CCDC33: variants seen among roughly 807,000 people sequenced by gnomAD.
CCDC33 encodes coiled-coil domain containing 33.
Under a neutral mutation model 91.9 loss-of-function variants are expected in CCDC33, and 94 were observed. That is an observed-to-expected ratio of 1.02 (90% CI 0.87 to 1.21). The LOEUF is 1.21. CCDC33 is among the 50% of genes most tolerant of loss of function. CCDC33 has a pLI of 0.00. For synonymous variants in CCDC33, 396 were observed against 374.5 expected, an observed-to-expected ratio of 1.06 and a Z score of -0.66; for missense variants, 940 against 935.5, an observed-to-expected ratio of 1.00 and a Z score of -0.06.
intron 15 of CCDC33, 45 bp downstream of exon 15, chr15:74,331,341 A>G (rs1596141275): frequency 6.3e-7 from 1 of 1,588,920 alleles, no homozygotes; most frequent in Non-Finnish European, 8.6e-7. Flanking sequence ...CTTCTGCTCC[A>G]CCCCTGGAGG....
At chr15:74,266,843 TC>T in intron 4 of CCDC33, 56 bp downstream of exon 4, 1 of 1,298,940 alleles carries the variant, frequency 7.7e-7, no homozygotes, top group Non-Finnish European at 1.1e-6. Flanking sequence ...ACCTTGAATG[TC>T]CCCAGCTATT....
chr15:74,234,528 G>A (rs890634212), upstream of CCDC33, among the ~76,000 whole-genome samples: 1 of 152,202 alleles, frequency 6.6e-6, no homozygotes, highest in African/African-American at 2.4e-5. Flanking sequence ...AGGAGCTGGT[G>A]TCTCAGGGGT....
intron 5 of CCDC33, among the ~76,000 whole-genome samples, chr15:74,271,375 G>A (rs909625873): frequency 6.6e-6 from 1 of 152,064 alleles, no homozygotes; most frequent in Non-Finnish European, 1.5e-5. Flanking sequence ...GAGGGGCCGA[G>A]GTTAGAACAC....
chr15:74,207,717 G>A (rs1046077824), intron 1 of CCDC33: 11 of 1,535,646 alleles, frequency 7.2e-6, no homozygotes, highest in African/African-American at 1.4e-5. Context: ...CAGTCCCCTT[G>A]AGAGTCCATG....
intron 11 of CCDC33, among the ~76,000 whole-genome samples, chr15:74,324,001 G>A (rs1280992206): frequency 6.6e-6 from 1 of 150,772 alleles, no homozygotes; most frequent in Admixed American, 6.6e-5. Context: ...GCTGAGGCAG[G>A]AGAATTGCCT....
At chr15:74,279,385 C>T (rs1366892349) in intron 7 of CCDC33, among the ~76,000 whole-genome samples, 3 of 152,034 alleles carry the variant, frequency 2.0e-5, no homozygotes, top group Non-Finnish European at 4.4e-5. Flanking sequence ...ACAAAATATA[C>T]ACAGAAAAAA....
At chr15:74,323,067 A>G (rs922411966) in intron 11 of CCDC33, among the ~76,000 whole-genome samples, 1 of 151,608 alleles carries the variant, frequency 6.6e-6, no homozygotes, top group African/African-American at 2.4e-5. Context: ...CTTACCTTCT[A>G]AGTCTCCAGG....
rs192434834 is a variant in CCDC33, at chr15:74,320,465, C to A, written c.1291-9724C>A. Among the ~76,000 whole-genome samples, 14 of 152,160 alleles carry A rather than the reference C, an allele frequency of 9.2e-5. 1 individual carries two copies. The East Asian group carries it at 2.7e-3, about 29-fold the overall frequency. ...TGAGCCATGTCCCACACAAGGCCTG[C>A]CTCCCACCGGGAACTCTCTGAGTGC... On this transcript the variant is annotated intron_variant, in intron 11 of 18. Transcript: ENST00000398814.
In CCDC33 at chr15:74,268,464, A is replaced by C. The variant is rs1483306584; in HGVS notation, c.546+6A>C. On this transcript the variant is annotated splice_donor_region_variant and intron_variant, in intron 5 of 18. Coordinates refer to ENST00000398814, the MANE Select transcript of CCDC33 (RefSeq NM_025055.5). ...GCAACCACATGGCTCTGGAGGTACC[A>C]GGGCTGGGGCCCTCTGGGGTGGTGG... 5.6e-6 allele frequency: 7 copies of C among 1,259,768 alleles called. No individual in the cohort carries two copies. Among genetic ancestry groups the C allele is most frequent in the Non-Finnish European group, 5.4e-6 (5 of 917,560 alleles). The allele number at this position is 1,259,768 out of a possible 1,614,324, so 78.0% of individuals were successfully genotyped here.
At chr15:74,268,541 C>T (rs1320647936) in intron 5 of CCDC33, 83 bp downstream of exon 5, 11 of 1,047,390 alleles carry the variant, frequency 1.1e-5, no homozygotes, top group East Asian at 2.4e-5. Context: ...TTGCCCTTAG[C>T]CCCCTCTGGC....
chr15:74,260,691 G>A (rs937482436), intron 2 of CCDC33, among the ~76,000 whole-genome samples: 3 of 152,138 alleles, frequency 2.0e-5, no homozygotes, highest in African/African-American at 7.2e-5. Flanking sequence ...TCCCAAGCCT[G>A]TGCTCTTTCC....
intron 5 of CCDC33, among the ~76,000 whole-genome samples, chr15:74,269,976 G>A (rs931340489): frequency 1.2e-4 from 19 of 152,150 alleles, no homozygotes; most frequent in African/African-American, 2.9e-4. Flanking sequence ...ACACCTGCTG[G>A]GGAGCCTGTG....
At chr15:74,298,019 G>C (rs2059721783) in intron 11 of CCDC33, among the ~76,000 whole-genome samples, 1 of 152,220 alleles carries the variant, frequency 6.6e-6, no homozygotes, top group Non-Finnish European at 1.5e-5. Context: ...CACTGACATA[G>C]CACAACCAAG....
intron 18 of CCDC33, 26 bp from the exon 19 acceptor site, chr15:74,335,899 C>G: frequency 6.4e-7 from 1 of 1,562,994 alleles, no homozygotes; most frequent in Non-Finnish European, 8.8e-7. Context: ...GGGGGGTACT[C>G]ACGCACCCCG....
chr15:74,269,592 C>A (rs1784181002), intron 5 of CCDC33, among the ~76,000 whole-genome samples: 1 of 152,198 alleles, frequency 6.6e-6, no homozygotes, highest in Non-Finnish European at 1.5e-5. Flanking sequence ...GCCTTGCTGT[C>A]CCCAGGCCGC....
At chr15:74,308,974 A>G (rs1235434222) in intron 11 of CCDC33, among the ~76,000 whole-genome samples, 3 of 151,892 alleles carry the variant, frequency 2.0e-5, no homozygotes, top group Non-Finnish European at 4.4e-5. Flanking sequence ...CTTCTCCTGT[A>G]TGTGGGTGGG....
chr15:74,285,223 G>A (rs1347320494), intron 10 of CCDC33, among the ~76,000 whole-genome samples: 4 of 152,076 alleles, frequency 2.6e-5, no homozygotes, highest in Non-Finnish European at 4.4e-5. Flanking sequence ...ATGTCCAGGA[G>A]TTTTGGGCAC....
At chr15:74,208,957 G>C in intron 1 of CCDC33, 1 of 1,002,328 alleles carries the variant, frequency 1.0e-6, no homozygotes, top group Non-Finnish European at 1.2e-6. Flanking sequence ...TCCTAGAGGG[G>C]TGGCTGGTTG....
At chr15:74,264,376 A>G (rs1323240991) in intron 3 of CCDC33, among the ~76,000 whole-genome samples, 1 of 152,184 alleles carries the variant, frequency 6.6e-6, no homozygotes, top group Non-Finnish European at 1.5e-5. Context: ...GGAAGGGCAC[A>G]ATGCCCAGAG....
Sources: gnomAD v4.1 joint callset for allele counts (sites outside exome capture counted in the v4.1 genomes callset) on GRCh38, gnomAD v4.1.1 for gene constraint, MANE v1.5 for transcripts, NCBI Gene and HGNC (gene_info 2026-07-23, HGNC 2026-07-21) for gene names.